ACSBG2: variants seen among roughly 807,000 people sequenced by gnomAD.
The protein encoded by ACSBG2 is acyl-CoA synthetase bubblegum family member 2, also known as long-chain-fatty-acid--CoA ligase ACSBG2.
Under a neutral mutation model 74.7 loss-of-function variants are expected in ACSBG2, and 62 were observed. That is an observed-to-expected ratio of 0.83 (90% CI 0.68 to 1.03). The LOEUF (loss-of-function observed/expected upper bound fraction) is 1.03. ACSBG2 is among the 50% of genes least tolerant of loss of function. The pLI, the probability that ACSBG2 is intolerant of heterozygous loss-of-function variation, is 0.00. For synonymous variants in ACSBG2, 309 were observed against 294.1 expected, an observed-to-expected ratio of 1.05 and a Z score of -0.52; for missense variants, 730 against 817.6, an observed-to-expected ratio of 0.89 and a Z score of 1.31.
intron 8 of ACSBG2, among the ~76,000 whole-genome samples, chr19:6,181,148 T>C (rs1293967419): frequency 7.2e-6 from 1 of 139,558 alleles, no homozygotes; most frequent in Admixed American, 7.5e-5. Flanking sequence ...AGCTCAAACC[T>C]GGGAGGCAAA....
intron 10 of ACSBG2, among the ~76,000 whole-genome samples, chr19:6,185,066 G>A (rs1420740784): frequency 6.6e-6 from 1 of 151,926 alleles, no homozygotes; most frequent in Non-Finnish European, 1.5e-5. Flanking sequence ...GGGACCACAG[G>A]TATGTACCAC....
chr19:6,167,914 C>G (rs989565551), intron 7 of ACSBG2, among the ~76,000 whole-genome samples: 1 of 152,180 alleles, frequency 6.6e-6, no homozygotes, highest in African/African-American at 2.4e-5. Context: ...CATCGCTCCC[C>G]TGGACCTGTG....
At chr19:6,177,425 G>A (rs756037525) in intron 8 of ACSBG2, 29 bp downstream of exon 8, 3 of 1,542,720 alleles carry the variant, frequency 1.9e-6, no homozygotes, top group African/African-American at 1.4e-5. Flanking sequence ...CTGGGGCTCC[G>A]ACTTCATCCT....
At chr19:6,189,695 TTTTCTTTC>T (rs748404034) in intron 13 of ACSBG2, 11 of 148,658 alleles carry the variant, frequency 7.4e-5, no homozygotes, top group East Asian at 5.8e-4. Context: ...TGCGTGGCTA[TTTTCTTTC>T]TTTCTTTCTT....
At position 6,161,264 on chromosome 19, in the gene ACSBG2, T is replaced by A; in HGVS notation, c.557T>A (p.Leu186Gln). ...CTAAAAGCGATCATCCAGTACAGAC[T>A]GCCAATGAAGAAGAACAACAACTTG... ...EPLKAIIQYR[L>Q]PMKKNNNLYS... The change falls in exon 6 of 15, where the codon CTG becomes CAG. Residue 186 changes from leucine (L) to glutamine (Q), a missense_variant. Transcript: ENST00000588485. 1 of 1,613,382 alleles carries A rather than the reference T, an allele frequency of 6.2e-7. No individual in the cohort carries two copies. The highest frequency in any genetic ancestry group is 1.7e-5 in the Admixed American group (1 of 59,978).
At position 6,189,409 on chromosome 19, in the gene ACSBG2, G is replaced by A. The variant is rs376370683; in HGVS notation, c.1928-1175G>A. The stretch of plus-strand genomic sequence containing the variant: ...TTTCATTTGCGAGTTTGCTGTCAGC[G>A]CTCGGCTGTAATCTGACGGTGTGGA... On this transcript the variant is annotated intron_variant, in intron 13 of 14. Coordinates refer to ENST00000588485, the MANE Select transcript of ACSBG2 (RefSeq NM_030924.5). Among the ~76,000 whole-genome samples, 127 of 152,286 alleles carry A rather than the reference G, an allele frequency of 8.3e-4. 2 individuals are homozygous for A. Among genetic ancestry groups the A allele is most frequent in the Admixed American group, 2.0e-4 (3 of 15,286 alleles).
chr19:6,141,672 T>G (rs1005459356), intron 2 of ACSBG2, 62 bp downstream of exon 2: 1 of 1,091,560 alleles, frequency 9.2e-7, no homozygotes, highest in South Asian at 1.3e-5. Flanking sequence ...AAAGGCTCTT[T>G]GCAGAGGAGT....
chr19:6,184,305 A>G (rs1404068357), intron 10 of ACSBG2, among the ~76,000 whole-genome samples: 1 of 152,100 alleles, frequency 6.6e-6, no homozygotes. Context: ...TTTAGTTAAG[A>G]TGTTTTTTAC....
At chr19:6,169,002 C>T (rs1280792814) in intron 7 of ACSBG2, among the ~76,000 whole-genome samples, 1 of 152,204 alleles carries the variant, frequency 6.6e-6, no homozygotes, top group Non-Finnish European at 1.5e-5. Flanking sequence ...TGGTCTCGAA[C>T]TCCTGACTTC....
At chr19:6,181,822 C>CCCG (rs1555696908) in intron 8 of ACSBG2, among the ~76,000 whole-genome samples, 1 of 125,788 alleles carries the variant, frequency 7.9e-6, no homozygotes, top group Non-Finnish European at 1.6e-5. Context: ...CGCCCCCCCC[C>CCCG]CCAACGAAAT....
intron 10 of ACSBG2, 34 bp from the exon 11 acceptor site, chr19:6,185,402 A>T (rs201689757): frequency 6.2e-7 from 1 of 1,610,990 alleles, no homozygotes; most frequent in Non-Finnish European, 8.5e-7. Flanking sequence ...CTTTGTCCCT[A>T]TGAGCCTGTT....
intron 8 of ACSBG2, among the ~76,000 whole-genome samples, chr19:6,179,488 A>G (rs2090185163): frequency 1.3e-5 from 2 of 151,938 alleles, no homozygotes; most frequent in South Asian, 2.1e-4. Context: ...GTGATTTTCT[A>G]CATGTCTAGA....
At position 6,187,773 on chromosome 19, in the gene ACSBG2, A is replaced by G. The variant is rs1167510501; in HGVS notation, c.1855A>G (p.Met619Val). The G allele has an allele frequency of 1.2e-6, 2 of 1,614,092 alleles. No homozygotes were observed. The highest frequency in any genetic ancestry group is 1.3e-5 in the African/African-American group (1 of 74,932). The change falls in exon 13 of 15, where the codon ATG (methionine) becomes GTG (valine). Residue 619 changes from methionine (M) to valine (V), a missense_variant. By Grantham distance (21) the Met-to-Val change is conservative. Transcript: ENST00000588485. The part of the protein sequence containing the change: ...QGINAVNQEA[M>V]NNAQRIEKWV... ...CATCAATGCTGTGAACCAGGAAGCC[A>G]TGAACAATGCACAGAGGATTGAAAA...
chr19:6,168,266 C>T (rs780765799), intron 7 of ACSBG2, among the ~76,000 whole-genome samples: 1 of 152,140 alleles, frequency 6.6e-6, no homozygotes, highest in Non-Finnish European at 1.5e-5. Flanking sequence ...GCATGAGCTC[C>T]GTGGGAAGTA....
chr19:6,166,282 G>C (rs200822578), intron 7 of ACSBG2, among the ~76,000 whole-genome samples: 1 of 40,408 alleles, frequency 2.5e-5, no homozygotes, highest in African/African-American at 6.0e-5. Flanking sequence ...CAGGAAGGTT[G>C]TGTGTGTGTG....
At chr19:6,190,736 T>C in intron 14 of ACSBG2, 44 bp downstream of exon 14, 4 of 1,301,546 alleles carry the variant, frequency 3.1e-6, no homozygotes, top group Non-Finnish European at 4.4e-6. Context: ...GCATTCAGAG[T>C]CCAAGAGAGG....
chr19:6,189,076 C>T (rs1056215527), intron 13 of ACSBG2, among the ~76,000 whole-genome samples: 3 of 152,104 alleles, frequency 2.0e-5, no homozygotes, highest in Non-Finnish European at 2.9e-5. Context: ...AGCAAACTGA[C>T]CTAATGATGA....
chr19:6,185,396 G>C, intron 10 of ACSBG2, 40 bp from the exon 11 acceptor site: 1 of 1,607,728 alleles, frequency 6.2e-7, no homozygotes, highest in Non-Finnish European at 8.5e-7. Flanking sequence ...GGCTGACTTT[G>C]TCCCTATGAG....
At chr19:6,151,825 G>A (rs776303352) in intron 4 of ACSBG2, 30 bp downstream of exon 4, 14 of 1,565,380 alleles carry the variant, frequency 8.9e-6, no homozygotes, top group African/African-American at 2.7e-5. Context: ...TCATGGTGAG[G>A]GTTAAGGAGC....
Sources: allele counts gnomAD v4.1 joint callset (sites outside exome capture counted in the v4.1 genomes callset), GRCh38; gene constraint gnomAD v4.1.1; transcripts MANE v1.5; gene names NCBI Gene and HGNC (gene_info 2026-07-23, HGNC 2026-07-21).